Variants in GALNT15 observed in about 807,000 individuals in gnomAD.
The protein encoded by GALNT15 is UDP-GalNAc transferase T15.
GALNT15 carries 67 observed loss-of-function variants against 66.8 expected under a neutral mutation model. The observed-to-expected ratio is 1.00, with a 90% CI of 0.82 to 1.23. GALNT15 has a LOEUF of 1.23. Among genes scored for constraint, GALNT15 ranks in the 50% most tolerant of loss-of-function variants. The probability of loss-of-function intolerance (pLI) is 0.00; values close to 1 mark genes in which losing one functional copy is unlikely to be tolerated. For missense variants in GALNT15, 827 were observed against 804.3 expected, an observed-to-expected ratio of 1.03 and a Z score of -0.34; for synonymous variants, 313 against 311.5, an observed-to-expected ratio of 1.00 and a Z score of -0.05.
intron 3 of GALNT15, among the ~76,000 whole-genome samples, chr3:16,201,309 G>A (rs2063699749): frequency 6.6e-6 from 1 of 152,074 alleles, no homozygotes; most frequent in Admixed American, 6.5e-5. Context: ...AGCCTCCCGA[G>A]TAGCTGGGAC....
At chr3:16,177,530 G>T (rs1006864298) in intron 1 of GALNT15, among the ~76,000 whole-genome samples, 2 of 152,194 alleles carry the variant, frequency 1.3e-5, no homozygotes, top group African/African-American at 4.8e-5. Flanking sequence ...GTTATGTGGT[G>T]CCTATATGCT....
Position 16,219,912 on chromosome 3 carries a change from C to T in GALNT15, c.1527C>T (p.Leu509=). Reference sequence around the variant, plus strand: ...CCTGTGTGTGTGTCCACTTTCAGCTCCACAACACTGGACTTGGGCTCTGTG... The same window carrying T: ...CCTGTGTGTGTGTCCACTTTCAGCTTCACAACACTGGACTTGGGCTCTGTG... ...SEPRPSFSGK[L]HNTGLGLCAD... is the part of the protein sequence containing the mutation. Residue 509 remains leucine, a splice_region_variant and synonymous_variant, in exon 8 of 10, where the codon CTC becomes CTT. Coordinates refer to ENST00000339732, the MANE Select transcript of GALNT15 (RefSeq NM_054110.5). This position sits in a 1 kb window ranked among gnomAD's most constrained non-coding sequence, Gnocchi z 4.3. 1 of 1,613,614 alleles carries T rather than the reference C, an allele frequency of 6.2e-7. No homozygotes were observed. The highest frequency in any genetic ancestry group is 8.5e-7 in the Non-Finnish European group (1 of 1,179,528).
At chr3:16,238,468 ATTG>A in the GALNT15 span, among the ~76,000 whole-genome samples, 1 of 152,070 alleles carries the variant, frequency 6.6e-6, no homozygotes, top group South Asian at 2.1e-4. This position sits in a 1 kb window ranked among gnomAD's most constrained non-coding sequence, Gnocchi z 4.8. Context: ...TAATATTAAT[ATTG>A]TTGTTAATAT....
chr3:16,207,490 T>C (rs1293701453), intron 3 of GALNT15, among the ~76,000 whole-genome samples: 1 of 113,116 alleles, frequency 8.8e-6, no homozygotes, highest in Admixed American at 1.3e-4. Context: ...TGCAGTCATA[T>C]CTCCAGGCTG....
rs564557967 is a variant in GALNT15 at position 16,203,881 on chromosome 3, C to T, written c.911+3058C>T. Among the ~76,000 whole-genome samples, 48 of 152,192 alleles carry T rather than the reference C, an allele frequency of 3.2e-4. No individual in the cohort carries two copies. Among genetic ancestry groups the T allele is most frequent in the Admixed American group, 6.5e-4 (10 of 15,294 alleles). ...AGTGTGTGCTTTACTCCCCCAGGGA[C>T]GTCGCCCACGTGCCTCATACAAAGC... On this transcript the variant is annotated intron_variant, in intron 3 of 9. Transcript: ENST00000339732. The surrounding 1 kb of genome is among the most constrained non-coding windows in gnomAD (Gnocchi z 6.2).
chr3:16,214,637 A>C lies in GALNT15; in HGVS notation c.1392+1874A>C, dbSNP rs187096118. 2.0e-5 allele frequency among the ~76,000 whole-genome samples: 3 copies of C among 152,240 alleles called. No homozygotes were observed. The East Asian group carries it at 5.8e-4, about 29-fold the overall frequency. ...GGACAGAGAACCATACCCAATGCTTATCAGGTTCTTGGTGGGGCAGGAGCT... is the reference window on the plus strand; with the variant it reads ...GGACAGAGAACCATACCCAATGCTTCTCAGGTTCTTGGTGGGGCAGGAGCT... On this transcript the variant is annotated intron_variant, in intron 6 of 9. Coordinates refer to ENST00000339732, the MANE Select transcript of GALNT15 (RefSeq NM_054110.5).
chr3:16,235,529 G>C (rs1287435015), downstream of GALNT15, among the ~76,000 whole-genome samples: 1 of 152,190 alleles, frequency 6.6e-6, no homozygotes, highest in African/African-American at 2.4e-5. Flanking sequence ...TATTGAGGAA[G>C]CGATGGATTC....
At chr3:16,212,291 A>G (rs1335761496) in intron 5 of GALNT15, among the ~76,000 whole-genome samples, 1 of 152,014 alleles carries the variant, frequency 6.6e-6, no homozygotes, top group African/African-American at 2.4e-5. Flanking sequence ...CTGGACCTGC[A>G]TGTGTTTGAA....
In GALNT15 at chr3:16,224,652, T is replaced by C. The variant is rs796796537; in HGVS notation, c.1773+1894T>C. ...CTATTCTTTTTTTTTTTTTTTTTTT[T>C]AAAGAGGGAGTTTCGCTCTTGTTGC... On this transcript the variant is annotated intron_variant, in intron 9 of 9. Coordinates refer to ENST00000339732, the MANE Select transcript of GALNT15 (RefSeq NM_054110.5). The surrounding 1 kb of genome is among the most constrained non-coding windows in gnomAD (Gnocchi z 5.2). Among the ~76,000 whole-genome samples the C allele has an allele frequency of 2.8e-5, 3 of 105,790 alleles. No individual in the cohort carries two copies. In the South Asian group the frequency reaches 9.1e-4, roughly 32 times the overall value. 69.4% of individuals were successfully genotyped at this position (105,790 alleles called of 152,430 possible). A position where few individuals can be genotyped will look rare whatever the true frequency, so the allele number is the denominator to read the frequency against.
intron 1 of GALNT15, among the ~76,000 whole-genome samples, chr3:16,185,762 GAT>G (rs2063510336): frequency 7.4e-6 from 1 of 135,114 alleles, no homozygotes; most frequent in Non-Finnish European, 1.7e-5. Context: ...TAGATAGATA[GAT>G]AGATAGATAG....
In GALNT15 at chr3:16,200,702, A is replaced by G; in HGVS notation, c.790A>G (p.Ile264Val). Residue 264 changes from isoleucine (I) to valine (V), a missense_variant, in exon 3 of 10, where the codon ATC (isoleucine) becomes GTC (valine). By Grantham distance (29) the Ile-to-Val change is conservative. Coordinates refer to ENST00000339732, the MANE Select transcript of GALNT15 (RefSeq NM_054110.5). The surrounding 1 kb of genome is among the most constrained non-coding windows in gnomAD (Gnocchi z 4.4). ...CAGGAGCAACAAGAGGCTGGGTGCC[A>G]TCAGGGCCCGGATGCTGGGGGCCAC... Reference protein sequence around the residue: ...LLRSNKRLGAIRARMLGATRA... With the variant: ...LLRSNKRLGAVRARMLGATRA... 1 of 1,611,094 alleles carries G rather than the reference A, an allele frequency of 6.2e-7. No homozygotes were observed. Among genetic ancestry groups the G allele is most frequent in the Admixed American group, 1.7e-5 (1 of 59,630 alleles).
At chr3:16,226,315 T>A (rs2064017505) in intron 9 of GALNT15, among the ~76,000 whole-genome samples, 1 of 152,080 alleles carries the variant, frequency 6.6e-6, no homozygotes, top group Non-Finnish European at 1.5e-5. Flanking sequence ...CCAACTTGTG[T>A]ACTTTAAAGG....
Position 16,219,419 on chromosome 3 carries a change from G to A in GALNT15, c.1409G>A (p.Cys470Tyr), listed in dbSNP as rs755903341. The A allele has an allele frequency of 1.2e-6, 2 of 1,614,164 alleles. No homozygotes were observed. The highest frequency in any genetic ancestry group is 1.7e-6 in the Non-Finnish European group (2 of 1,180,002). Residue 470 changes from cysteine to tyrosine, a missense_variant, in exon 7 of 10, where the codon TGC becomes TAC. By Grantham distance (194) the Cys-to-Tyr change is radical. Coordinates refer to ENST00000339732, the MANE Select transcript of GALNT15 (RefSeq NM_054110.5). The surrounding 1 kb of genome is among the most constrained non-coding windows in gnomAD (Gnocchi z 4.3). ...FSLSKAEKPD[C>Y]MERLQLQRRL... ...CCTCCCCAGGCTGAGAAGCCAGACT[G>A]CATGGAACGCTTGCAGCTGCAAAGG...
rs2124830848 is a variant in GALNT15 at position 16,176,400 on chromosome 3, T to G, written c.539+710T>G. Among the ~76,000 whole-genome samples the G allele has an allele frequency of 6.6e-6, 1 of 152,324 alleles. No homozygotes were observed. Among genetic ancestry groups the G allele is most frequent in the East Asian group, 1.9e-4 (1 of 5,184 alleles). ...AGGATTTGAATGCAGGCATGTGAGC[T>G]CCAGTCTGCCTGACCCACCACTCCA... is the stretch of plus-strand genomic sequence containing the variant. On this transcript the variant is annotated intron_variant, in intron 1 of 9. Coordinates refer to ENST00000339732, the MANE Select transcript of GALNT15 (RefSeq NM_054110.5). The surrounding 1 kb of genome is among the most constrained non-coding windows in gnomAD (Gnocchi z 5.6).
Position 16,200,537 on chromosome 3 carries a change from G to A in GALNT15, c.707-82G>A. ...GGTGCTCACCACAGCTTCCAAAAGA[G>A]AGTTGCTGACGATTGTCTTAGTCAC... On this transcript the variant is annotated intron_variant, in intron 2 of 9. Transcript: ENST00000339732. The surrounding 1 kb of genome is among the most constrained non-coding windows in gnomAD (Gnocchi z 4.4). 1 of 1,141,194 alleles carries A rather than the reference G, an allele frequency of 8.8e-7. No homozygotes were observed. Among genetic ancestry groups the A allele is most frequent in the Non-Finnish European group, 1.2e-6 (1 of 829,214 alleles). The allele number at this position is 1,141,194 out of a possible 1,614,324, so 70.7% of individuals were successfully genotyped here. A position where few individuals can be genotyped will look rare whatever the true frequency, so the allele number is the denominator to read the frequency against.
At chr3:16,243,450 G>T in the GALNT15 span, among the ~76,000 whole-genome samples, 1 of 152,250 alleles carries the variant, frequency 6.6e-6, no homozygotes, top group Admixed American at 6.5e-5. Context: ...CGCCCAGGGA[G>T]CACCTCCTTC....
the GALNT15 span, chr3:16,244,100 A>T: frequency 1.4e-6 from 1 of 732,666 alleles, no homozygotes. Flanking sequence ...ACAGAAGAAC[A>T]GGCACCGATC....
downstream of GALNT15, among the ~76,000 whole-genome samples, chr3:16,236,566 C>T (rs957469895): frequency 3.3e-5 from 5 of 152,106 alleles, no homozygotes; most frequent in African/African-American, 4.8e-5. Flanking sequence ...TAAAAATAAA[C>T]AGAGAAATAT....
chr3:16,194,643 C>T (rs558638768), intron 1 of GALNT15, among the ~76,000 whole-genome samples: 190 of 152,282 alleles, frequency 1.2e-3, no homozygotes, highest in Non-Finnish European at 2.2e-3. Context: ...TGGAGTACTA[C>T]GCAGCCATAA....
Sources: gnomAD v4.1 joint callset for allele counts (sites outside exome capture counted in the v4.1 genomes callset) on GRCh38, gnomAD v4.1.1 for gene constraint, Gnocchi (gnomAD v3.1) non-coding constraint, MANE v1.5 for transcripts, NCBI Gene and HGNC (gene_info 2026-07-23, HGNC 2026-07-21) for gene names.